Variants in QTMAN observed in about 807,000 individuals in gnomAD.
QTMAN encodes the protein tRNA-queuosine alpha-mannosyltransferase.
At chr2:144,182,898 A>G in the QTMAN span, among the ~76,000 whole-genome samples, 4 of 97,960 alleles carry the variant, frequency 4.1e-5, no homozygotes, top group African/African-American at 1.5e-4. Flanking sequence ...ATATATATAT[A>G]TATTATATAT....
chr2:144,012,549 A>G, the QTMAN span, among the ~76,000 whole-genome samples: 1 of 152,222 alleles, frequency 6.6e-6, no homozygotes, highest in Non-Finnish European at 1.5e-5. Context: ...AACTTTGGAC[A>G]TTCATGTTGA....
At chr2:144,095,118 CT>C in the QTMAN span, among the ~76,000 whole-genome samples, 1 of 152,174 alleles carries the variant, frequency 6.6e-6, no homozygotes, top group African/African-American at 2.4e-5. Flanking sequence ...TCATTCTCCC[CT>C]ATCCTTCCCT....
chr2:144,304,215 C>T, the QTMAN span, among the ~76,000 whole-genome samples: 2 of 152,150 alleles, frequency 1.3e-5, no homozygotes, highest in African/African-American at 4.8e-5. Context: ...AAAGAAGAAT[C>T]ACACCTTAGA....
the QTMAN span, among the ~76,000 whole-genome samples, chr2:144,112,135 T>C: frequency 1.3e-5 from 2 of 152,214 alleles, no homozygotes; most frequent in African/African-American, 2.4e-5. Flanking sequence ...TGCACAAAGC[T>C]TTCCAGTTCA....
chr2:144,012,002 G>C, the QTMAN span, among the ~76,000 whole-genome samples: 1 of 152,040 alleles, frequency 6.6e-6, no homozygotes, highest in African/African-American at 2.4e-5. Context: ...AACTCCATCA[G>C]AACCTATTTC....
the QTMAN span, among the ~76,000 whole-genome samples, chr2:144,033,698 A>G: frequency 6.6e-6 from 1 of 152,156 alleles, no homozygotes; most frequent in South Asian, 2.1e-4. Flanking sequence ...CTCTAATCAC[A>G]TGGTTGGTCC....
chr2:144,170,100 A>G, the QTMAN span, among the ~76,000 whole-genome samples: 2 of 152,202 alleles, frequency 1.3e-5, no homozygotes, highest in Non-Finnish European at 2.9e-5. Flanking sequence ...TTTTACAAAC[A>G]TAATATTTAA....
At chr2:143,984,147 G>T in the QTMAN span, among the ~76,000 whole-genome samples, 1 of 152,142 alleles carries the variant, frequency 6.6e-6, no homozygotes, top group Non-Finnish European at 1.5e-5. Flanking sequence ...ATTGTACCAA[G>T]TCACCTTCAT....
the QTMAN span, chr2:143,970,903 C>G: frequency 1.6e-6 from 1 of 622,556 alleles, no homozygotes; most frequent in African/African-American, 1.9e-5. Flanking sequence ...GAGATTTCTT[C>G]CTATAACTTC....
chr2:144,260,676 A>G, the QTMAN span, among the ~76,000 whole-genome samples: 5 of 152,046 alleles, frequency 3.3e-5, no homozygotes, highest in Admixed American at 2.6e-4. Flanking sequence ...GGTGAGTGCC[A>G]TTAGGCACTT....
At chr2:144,010,062 CA>C in the QTMAN span, among the ~76,000 whole-genome samples, 196 of 74,826 alleles carry the variant, frequency 2.6e-3, no homozygotes, top group Middle Eastern at 9.8e-3. Context: ...AAGGATTCAC[CA>C]AAAAAAAAAA....
chr2:144,107,239 C>T, the QTMAN span, among the ~76,000 whole-genome samples: 7 of 151,924 alleles, frequency 4.6e-5, no homozygotes, highest in Non-Finnish European at 5.9e-5. Flanking sequence ...TGGCAGAAGG[C>T]AAGAAATAAC....
At chr2:144,219,903 A>G in the QTMAN span, among the ~76,000 whole-genome samples, 1 of 152,218 alleles carries the variant, frequency 6.6e-6, no homozygotes, top group Non-Finnish European at 1.5e-5. Context: ...AACATTCTAC[A>G]TGAATACAGA....
At chr2:144,108,760 C>T in the QTMAN span, among the ~76,000 whole-genome samples, 2 of 152,028 alleles carry the variant, frequency 1.3e-5, no homozygotes, top group South Asian at 2.1e-4. Context: ...CATGCTTATA[C>T]ACCAATAACA....
At chr2:144,052,895 C>T in the QTMAN span, among the ~76,000 whole-genome samples, 2 of 152,172 alleles carry the variant, frequency 1.3e-5, no homozygotes, top group Admixed American at 6.5e-5. Flanking sequence ...GTGATCCATC[C>T]ACCTTGGCCT....
At chr2:144,007,779 C>T in the QTMAN span, among the ~76,000 whole-genome samples, 1 of 152,064 alleles carries the variant, frequency 6.6e-6, no homozygotes, top group Non-Finnish European at 1.5e-5. Context: ...ACTTGCACTG[C>T]ACATACCATA....
At chr2:144,242,657 T>C in the QTMAN span, among the ~76,000 whole-genome samples, 1 of 152,078 alleles carries the variant, frequency 6.6e-6, no homozygotes, top group Admixed American at 6.5e-5. Context: ...CTAGCCAAAA[T>C]GTTATGCATA....
chr2:144,087,796 C>A, the QTMAN span, among the ~76,000 whole-genome samples: 1 of 151,888 alleles, frequency 6.6e-6, no homozygotes, highest in African/African-American at 2.4e-5. Flanking sequence ...AAGGGACATA[C>A]CCCCAAAATA....
At chr2:144,302,010 G>C in the QTMAN span, among the ~76,000 whole-genome samples, 1 of 152,162 alleles carries the variant, frequency 6.6e-6, no homozygotes, top group Non-Finnish European at 1.5e-5. Context: ...GTCAGTGAAA[G>C]TTGTGCTAGG....
Sources: allele counts gnomAD v4.1 joint callset (sites outside exome capture counted in the v4.1 genomes callset), GRCh38; gene constraint gnomAD v4.1.1; transcripts MANE v1.5; gene names NCBI Gene and HGNC (gene_info 2026-07-23, HGNC 2026-07-21).